Variants in IL15 observed in about 807,000 individuals in gnomAD.
The protein encoded by IL15 is interleukin 15.
In IL15, 11 loss-of-function variants were observed where a neutral mutation model predicts 19.6. The observed-to-expected ratio is 0.56, with a 90% CI of 0.35 to 0.93. The LOEUF is 0.93. Among genes scored for constraint, IL15 ranks in the 40% least tolerant of loss-of-function variants. The pLI is 0.01. For synonymous variants in IL15, 58 were observed against 59.6 expected (o/e 0.97, Z 0.12); for missense variants, 197 against 186.5 (o/e 1.06, Z -0.33).
At chr4:141,670,449 A>T (rs1728133884) in intron 2 of IL15, among the ~76,000 whole-genome samples, 1 of 152,190 alleles carries the variant, frequency 6.6e-6, no homozygotes, top group African/African-American at 2.4e-5. Flanking sequence ...TTCTGTCCAA[A>T]TTAACCAAAT....
At chr4:141,638,900 G>A (rs183549029) in intron 1 of IL15, among the ~76,000 whole-genome samples, 1 of 152,220 alleles carries the variant, frequency 6.6e-6, no homozygotes, top group Non-Finnish European at 1.5e-5. Flanking sequence ...ATAGACTACT[G>A]TCCTTTTCCC....
intron 2 of IL15, among the ~76,000 whole-genome samples, chr4:141,681,007 C>G (rs1728512657): frequency 1.3e-5 from 2 of 152,114 alleles, no homozygotes; most frequent in African/African-American, 2.4e-5. Context: ...ATTTTGTGGC[C>G]ATGTCATCCT....
chr4:141,704,362 A>G (rs1342843302), intron 2 of IL15, among the ~76,000 whole-genome samples: 3 of 152,086 alleles, frequency 2.0e-5, no homozygotes, highest in Non-Finnish European at 1.5e-5. Flanking sequence ...TTGTTATACC[A>G]TGCTTACCAT....
chr4:141,714,031 T>A (rs1222483399), intron 2 of IL15, among the ~76,000 whole-genome samples: 1 of 152,144 alleles, frequency 6.6e-6, no homozygotes, highest in African/African-American at 2.4e-5. Context: ...CAGGCTCTCA[T>A]ACTATTCTCC....
chr4:141,637,518 A>G (rs1186369323), intron 1 of IL15, among the ~76,000 whole-genome samples: 1 of 152,148 alleles, frequency 6.6e-6, no homozygotes, highest in East Asian at 1.9e-4. Context: ...TCACTGAAAT[A>G]AAATCATTAT....
At chr4:141,692,964 G>A (rs202238321) in intron 2 of IL15, among the ~76,000 whole-genome samples, 1 of 130,022 alleles carries the variant, frequency 7.7e-6, no homozygotes, top group East Asian at 2.6e-4. Flanking sequence ...GGTACTACCT[G>A]AGCGCCACTG....
intron 2 of IL15, among the ~76,000 whole-genome samples, chr4:141,707,191 G>A (rs1729545162): frequency 1.3e-5 from 2 of 151,828 alleles, no homozygotes. Flanking sequence ...CTAGTCTATT[G>A]TTAAAAATTT....
intron 5 of IL15, among the ~76,000 whole-genome samples, chr4:141,724,245 G>A (rs1006822861): frequency 1.3e-5 from 2 of 151,414 alleles, no homozygotes; most frequent in Non-Finnish European, 2.9e-5. Flanking sequence ...AAATCTCAAA[G>A]GATATTCATA....
chr4:141,668,149 A>C (rs1242787663), intron 2 of IL15, among the ~76,000 whole-genome samples: 1 of 152,208 alleles, frequency 6.6e-6, no homozygotes, highest in Admixed American at 6.5e-5. Flanking sequence ...GAAATGATTG[A>C]TTTTGAGATA....
intron 7 of IL15, among the ~76,000 whole-genome samples, chr4:141,731,028 G>T (rs1457941602): frequency 6.6e-6 from 1 of 152,132 alleles, no homozygotes; most frequent in Non-Finnish European, 1.5e-5. Flanking sequence ...CTAATAAGCT[G>T]CCATTTGACA....
At chr4:141,709,708 A>G (rs1729649654) in intron 2 of IL15, among the ~76,000 whole-genome samples, 1 of 152,190 alleles carries the variant, frequency 6.6e-6, no homozygotes, top group African/African-American at 2.4e-5. Flanking sequence ...TTGAAGCTAT[A>G]CTGTTAGGTA....
chr4:141,686,078 C>A (rs1323564910), intron 2 of IL15, among the ~76,000 whole-genome samples: 2 of 151,934 alleles, frequency 1.3e-5, no homozygotes, highest in African/African-American at 4.8e-5. Context: ...GGGCAGATTA[C>A]AAGGTCAGGT....
chr4:141,655,452 A>T (rs910022607), intron 1 of IL15, among the ~76,000 whole-genome samples: 1 of 152,106 alleles, frequency 6.6e-6, no homozygotes, highest in Non-Finnish European at 1.5e-5. Context: ...AAGTTTTTCT[A>T]AAAAACCTTA....
chr4:141,707,248 G>T (rs1009078285), intron 2 of IL15, among the ~76,000 whole-genome samples: 5 of 151,894 alleles, frequency 3.3e-5, no homozygotes, highest in Non-Finnish European at 7.4e-5. Context: ...TCAGCTCCCA[G>T]ATTTCTGTTT....
At chr4:141,639,415 G>T (rs79270062) in intron 1 of IL15, among the ~76,000 whole-genome samples, 2 of 152,108 alleles carry the variant, frequency 1.3e-5, no homozygotes, top group Non-Finnish European at 1.5e-5. Context: ...TCATTTGAGT[G>T]TCAAATATGT....
At chr4:141,726,081 G>C (rs1247815207) in intron 5 of IL15, among the ~76,000 whole-genome samples, 1 of 152,112 alleles carries the variant, frequency 6.6e-6, no homozygotes, top group East Asian at 1.9e-4. Context: ...CATGAGGGCA[G>C]AGCCATTGTG....
chr4:141,636,658 G>A lies in IL15; in HGVS notation c.-312G>A, dbSNP rs1470889309. 2 of 151,720 alleles carry A rather than the reference G, an allele frequency of 1.3e-5. No individual in the cohort carries two copies. The highest frequency in any genetic ancestry group is 2.1e-4 in the South Asian group (1 of 4,764). 9.4% of individuals were successfully genotyped at this position (151,720 alleles called of 1,614,324 possible). ...AGCTGACTCGCTCACTGCCTTCGAA[G>A]TCCGGCGCCCCCCGGGAGGGAACTG... On this transcript the variant is annotated 5_prime_UTR_variant, in exon 1 of 8. Coordinates refer to ENST00000320650, the MANE Select transcript of IL15 (RefSeq NM_000585.5).
At chr4:141,713,553 C>T (rs1246803308) in intron 2 of IL15, among the ~76,000 whole-genome samples, 1 of 152,196 alleles carries the variant, frequency 6.6e-6, no homozygotes, top group Non-Finnish European at 1.5e-5. Flanking sequence ...CCAGTTGCTG[C>T]TTTAAACAAC....
intron 1 of IL15, among the ~76,000 whole-genome samples, chr4:141,642,028 AAAT>A (rs1226527676): frequency 6.6e-6 from 1 of 152,002 alleles, no homozygotes; most frequent in Non-Finnish European, 1.5e-5. Context: ...TAATAATAAT[AAAT>A]AATAACGTGC....
Sources: allele counts gnomAD v4.1 joint callset (sites outside exome capture counted in the v4.1 genomes callset), GRCh38; gene constraint gnomAD v4.1.1; transcripts MANE v1.5; gene names NCBI Gene and HGNC (gene_info 2026-07-23, HGNC 2026-07-21).